Variants in RANBP2 observed in about 807,000 individuals in gnomAD.
RANBP2 encodes RAN binding protein 2, also known as E3 SUMO-protein ligase RanBP2.
A neutral mutation model predicts 303.6 loss-of-function variants in RANBP2; 57 were observed. The ratio of observed to expected loss-of-function variants is 0.19; its 90% CI spans 0.15 to 0.23. The LOEUF (loss-of-function observed/expected upper bound fraction) is 0.23, where lower values mean the gene tolerates loss of function less well. Among genes scored for constraint, RANBP2 ranks in the 10% least tolerant of loss-of-function variants. The pLI is 1.00. For missense variants in RANBP2, 3,138 were observed against 3,780.8 expected (o/e 0.83, Z 4.46); for synonymous variants, 1,167 against 1,301.5 (o/e 0.90, Z 2.23).
the RANBP2 span, among the ~76,000 whole-genome samples, chr2:109,471,941 G>A: frequency 6.6e-6 from 1 of 152,146 alleles, no homozygotes; most frequent in African/African-American, 2.4e-5. Flanking sequence ...CATGTAACTT[G>A]GTCTGAAGCA....
the RANBP2 span, among the ~76,000 whole-genome samples, chr2:109,652,415 C>T: frequency 9.7e-4 from 148 of 152,090 alleles, 1 homozygote; most frequent in African/African-American, 3.2e-3. Flanking sequence ...TTAGTAGAGA[C>T]GGGGTTTCAC....
the RANBP2 span, among the ~76,000 whole-genome samples, chr2:108,978,508 A>G: frequency 6.6e-6 from 1 of 152,194 alleles, no homozygotes; most frequent in African/African-American, 2.4e-5. Context: ...GCTCCGAGGG[A>G]GCCACGGGCT....
the RANBP2 span, among the ~76,000 whole-genome samples, chr2:109,500,220 T>A: frequency 6.6e-6 from 1 of 152,066 alleles, no homozygotes. Flanking sequence ...TTGTTCAAGT[T>A]GTTATAGGCA....
chr2:109,546,122 G>T, the RANBP2 span: 3 of 1,611,354 alleles, frequency 1.9e-6, no homozygotes, highest in Non-Finnish European at 2.5e-6. Context: ...TATCTCGGAG[G>T]TAGCTTTCTT....
At chr2:108,935,681 C>T in the RANBP2 span, among the ~76,000 whole-genome samples, 93 of 152,300 alleles carry the variant, frequency 6.1e-4, no homozygotes, top group Middle Eastern at 0.01. Flanking sequence ...GCACTAGACA[C>T]CGATTCCCTT....
the RANBP2 span, chr2:109,347,785 G>A: frequency 5.6e-6 from 9 of 1,613,878 alleles, no homozygotes; most frequent in Non-Finnish European, 7.6e-6. Flanking sequence ...CAAGGTGGAT[G>A]AACAGTGGTA....
the RANBP2 span, among the ~76,000 whole-genome samples, chr2:109,312,462 A>G: frequency 6.6e-6 from 1 of 152,198 alleles, no homozygotes; most frequent in Admixed American, 6.5e-5. Flanking sequence ...GTCTAGTTCC[A>G]GAAGTTTCCT....
At chr2:108,776,448 G>T (rs1046739865) in intron 24 of RANBP2, among the ~76,000 whole-genome samples, 7 of 151,830 alleles carry the variant, frequency 4.6e-5, no homozygotes. Flanking sequence ...TTTTCATTTC[G>T]ATTTTGGGGA....
intron 23 of RANBP2, 40 bp from the exon 24 acceptor site, chr2:108,775,692 C>G (rs1480864320): frequency 8.2e-6 from 13 of 1,594,412 alleles, no homozygotes; most frequent in Middle Eastern, 3.3e-4. Context: ...TGTAAATTAG[C>G]ATTTAAGTGG....
the RANBP2 span, among the ~76,000 whole-genome samples, chr2:108,865,224 C>A: frequency 6.6e-6 from 1 of 152,124 alleles, no homozygotes; most frequent in Non-Finnish European, 1.5e-5. Flanking sequence ...AAAATTCATT[C>A]ATTTAAGCAG....
the RANBP2 span, among the ~76,000 whole-genome samples, chr2:109,020,549 G>T: frequency 6.6e-6 from 1 of 152,222 alleles, no homozygotes; most frequent in South Asian, 2.1e-4. Flanking sequence ...ATGGAAGAGA[G>T]AGAATACCAC....
the RANBP2 span, among the ~76,000 whole-genome samples, chr2:109,625,087 C>CAAAAAAAAAAAAAAAAAAAAA: frequency 6.7e-5 from 4 of 60,108 alleles, no homozygotes; most frequent in East Asian, 1.0e-3. Flanking sequence ...ACAACAACAA[C>CAAAAAAAAAAAAAAAAAAAAA]AAAAAAAAAA....
the RANBP2 span, among the ~76,000 whole-genome samples, chr2:109,709,690 CT>C: frequency 2.0e-5 from 3 of 152,252 alleles, no homozygotes; most frequent in Non-Finnish European, 4.4e-5. Flanking sequence ...GCCCTCAGCT[CT>C]AGCACATTAT....
chr2:108,853,871 AC>A, the RANBP2 span, among the ~76,000 whole-genome samples: 1 of 125,140 alleles, frequency 8.0e-6, no homozygotes, highest in African/African-American at 3.1e-5. Flanking sequence ...TAATATATAT[AC>A]TATATAATAT....
At chr2:108,998,134 T>C in the RANBP2 span, among the ~76,000 whole-genome samples, 1 of 152,190 alleles carries the variant, frequency 6.6e-6, no homozygotes, top group Non-Finnish European at 1.5e-5. Flanking sequence ...GACCTCCTAA[T>C]TGCTAAAGCC....
At chr2:108,727,336 A>G (rs964089634) in intron 1 of RANBP2, among the ~76,000 whole-genome samples, 26 of 152,204 alleles carry the variant, frequency 1.7e-4, no homozygotes, top group African/African-American at 5.1e-4. Flanking sequence ...AAGAAGGAAA[A>G]AGAAATTTGT....
the RANBP2 span, among the ~76,000 whole-genome samples, chr2:109,656,073 C>A: frequency 1.3e-5 from 2 of 152,178 alleles, no homozygotes; most frequent in African/African-American, 4.8e-5. Flanking sequence ...CCAGGGGAGT[C>A]CCCTCTCTTC....
the RANBP2 span, among the ~76,000 whole-genome samples, chr2:109,390,828 G>A: frequency 6.6e-6 from 1 of 152,202 alleles, no homozygotes; most frequent in Non-Finnish European, 1.5e-5. Context: ...GGCCCAGGGT[G>A]TGCAGATTCA....
chr2:109,340,979 T>C, the RANBP2 span, among the ~76,000 whole-genome samples: 1 of 152,238 alleles, frequency 6.6e-6, no homozygotes. Context: ...AGCTCTTAGC[T>C]GTAGACAATT....
Sources: gnomAD v4.1 joint callset for allele counts (sites outside exome capture counted in the v4.1 genomes callset) on GRCh38, gnomAD v4.1.1 for gene constraint, MANE v1.5 for transcripts, NCBI Gene and HGNC (gene_info 2026-07-23, HGNC 2026-07-21) for gene names.